The following PTPRD variants were observed in gnomAD, a reference collection of about 807,000 sequenced individuals.
PTPRD encodes the protein protein tyrosine phosphatase receptor type D, also known as receptor-type tyrosine-protein phosphatase delta.
Under a neutral mutation model 214.5 loss-of-function variants are expected in PTPRD, and 34 were observed. That is an observed-to-expected ratio of 0.16 (90% CI 0.12 to 0.21). The LOEUF is 0.21. PTPRD is among the 10% of genes least tolerant of loss of function. The pLI is 1.00. For missense variants in PTPRD, 2,545 were observed against 2,398.7 expected, an observed-to-expected ratio of 1.06 and a Z score of -1.27; for synonymous variants, 1,128 against 845.7, an observed-to-expected ratio of 1.33 and a Z score of -5.79.
chr9:8,828,393 A>G (rs1005791963), intron 11 of PTPRD, among the ~76,000 whole-genome samples: 1 of 152,200 alleles, frequency 6.6e-6, no homozygotes, highest in South Asian at 2.1e-4. Flanking sequence ...TCTCACTGCC[A>G]TGTGAGGACA....
chr9:9,307,646 CT>C, intron 9 of PTPRD, among the ~76,000 whole-genome samples: 1 of 152,280 alleles, frequency 6.6e-6, no homozygotes, highest in East Asian at 1.9e-4. Flanking sequence ...CTAGACAATT[CT>C]CTATACTGGT....
chr9:8,713,226 G>T, intron 12 of PTPRD: 2 of 587,538 alleles, frequency 3.4e-6, no homozygotes, highest in South Asian at 4.2e-5. Context: ...TATCCAGTTC[G>T]CTCCTAAACT....
chr9:9,869,417 G>A (rs148840194), intron 5 of PTPRD, among the ~76,000 whole-genome samples: 1 of 152,000 alleles, frequency 6.6e-6, no homozygotes, highest in Admixed American at 6.6e-5. Flanking sequence ...AATGGATTAG[G>A]TTGACACCAG....
intron 8 of PTPRD, among the ~76,000 whole-genome samples, chr9:9,546,235 A>AT (rs111683802): frequency 0.35 from 53,562 of 150,968 alleles, 9,792 homozygotes; most frequent in African/African-American, 0.43. Flanking sequence ...GTTGTTGTGG[A>AT]ATTTTTGGAA....
chr9:8,722,845 G>A (rs1040695517), intron 12 of PTPRD, among the ~76,000 whole-genome samples: 2 of 152,216 alleles, frequency 1.3e-5, no homozygotes, highest in African/African-American at 4.8e-5. Context: ...GCTAAAAGCA[G>A]ACATTTGTGC....
At chr9:8,844,653 C>T (rs896959322) in intron 11 of PTPRD, among the ~76,000 whole-genome samples, 3 of 152,140 alleles carry the variant, frequency 2.0e-5, no homozygotes, top group Non-Finnish European at 4.4e-5. Context: ...ATAGCTGCCA[C>T]AAATCCTTTT....
In PTPRD at chr9:10,162,006, C is replaced by T. The variant is rs74585117; in HGVS notation, c.-544-128216G>A. Among the ~76,000 whole-genome samples the T allele has an allele frequency of 2.0e-3, 304 of 151,436 alleles. 4 individuals are homozygous for T. The highest frequency in any genetic ancestry group is 6.9e-3 in the African/African-American group (286 of 41,446). Reference sequence around the variant, plus strand: ...CAAAACTACAATGAAATGTTTTACCCTAGTTAAAATGGTATTTATAAAAAA... The same window carrying T: ...CAAAACTACAATGAAATGTTTTACCTTAGTTAAAATGGTATTTATAAAAAA... On this transcript the variant is annotated intron_variant, in intron 3 of 45. Coordinates refer to ENST00000381196, the MANE Select transcript of PTPRD (RefSeq NM_002839.4).
At chr9:8,396,574 C>T (rs562085771) in intron 36 of PTPRD, among the ~76,000 whole-genome samples, 1 of 152,164 alleles carries the variant, frequency 6.6e-6, no homozygotes, top group South Asian at 2.1e-4. Flanking sequence ...AAACTCACTC[C>T]CAGAGCTTTC....
chr9:10,016,861 C>T (rs980110968), intron 4 of PTPRD, among the ~76,000 whole-genome samples: 3 of 152,148 alleles, frequency 2.0e-5, no homozygotes, highest in East Asian at 3.9e-4. Context: ...GACAGGGTCT[C>T]GCTATGTTTC....
At chr9:8,343,749 A>G (rs947956350) in intron 39 of PTPRD, among the ~76,000 whole-genome samples, 2 of 152,052 alleles carry the variant, frequency 1.3e-5, no homozygotes, top group Admixed American at 1.3e-4. Flanking sequence ...ATTAAAAAAA[A>G]TATTTGTGTG....
intron 12 of PTPRD, chr9:8,713,635 T>G: frequency 1.3e-6 from 2 of 1,532,154 alleles, no homozygotes; most frequent in Non-Finnish European, 1.8e-6. Flanking sequence ...TGTCACCCAG[T>G]GCTACCGAGA....
intron 3 of PTPRD, among the ~76,000 whole-genome samples, chr9:10,231,989 A>AGAGAGAGAGAGAGAGAGTGTGT (rs1245284728): frequency 3.2e-5 from 3 of 92,436 alleles, no homozygotes; most frequent in African/African-American, 1.1e-4. Context: ...AGAGAGAGAG[A>AGAGAGAGAGAGAGAGAGTGTGT]GTGTGTGTGT....
chr9:8,574,431 G>T (rs1226535164), intron 14 of PTPRD, among the ~76,000 whole-genome samples: 2 of 151,864 alleles, frequency 1.3e-5, no homozygotes, highest in East Asian at 3.9e-4. Context: ...CTAAAAATTG[G>T]TCCAACACTT....
chr9:8,775,062 C>T (rs1231182752), intron 11 of PTPRD, among the ~76,000 whole-genome samples: 2 of 152,096 alleles, frequency 1.3e-5, no homozygotes, highest in Non-Finnish European at 2.9e-5. Context: ...CAATTAATTG[C>T]TATGTCCAGT....
chr9:10,523,334 G>A (rs833403), intron 2 of PTPRD, among the ~76,000 whole-genome samples: 83,136 of 151,166 alleles, frequency 0.55, 23,659 homozygotes, highest in African/African-American at 0.68. Context: ...TCTAGAAGGC[G>A]TGTGTATTTC....
intron 5 of PTPRD, among the ~76,000 whole-genome samples, chr9:9,824,048 G>C (rs1330380343): frequency 2.0e-5 from 3 of 151,814 alleles, no homozygotes; most frequent in Non-Finnish European, 2.9e-5. Flanking sequence ...TCAACTCTTA[G>C]TTTCATGCAC....
chr9:9,322,183 A>C (rs1429824251), intron 9 of PTPRD, among the ~76,000 whole-genome samples: 1 of 152,186 alleles, frequency 6.6e-6, no homozygotes, highest in African/African-American at 2.4e-5. Context: ...TGTAGCTTAA[A>C]GATGTTTTTA....
chr9:9,936,219 T>C (rs1224045782), intron 5 of PTPRD, among the ~76,000 whole-genome samples: 2 of 148,644 alleles, frequency 1.3e-5, no homozygotes, highest in South Asian at 4.2e-4. Context: ...AAAGCCAAAA[T>C]TGACAAATGG....
intron 10 of PTPRD, among the ~76,000 whole-genome samples, chr9:9,139,851 AC>A (rs1419496132): frequency 1.3e-5 from 2 of 152,178 alleles, no homozygotes; most frequent in East Asian, 3.8e-4. Flanking sequence ...GAACTATTCT[AC>A]CCTTAGGGAG....
Sources: gnomAD v4.1 joint callset for allele counts (sites outside exome capture counted in the v4.1 genomes callset) on GRCh38, gnomAD v4.1.1 for gene constraint, MANE v1.5 for transcripts, NCBI Gene and HGNC (gene_info 2026-07-23, HGNC 2026-07-21) for gene names.